Variants in FAT3 observed in about 807,000 individuals in gnomAD.
FAT3 encodes the protein FAT atypical cadherin 3, also known as protocadherin Fat 3.
FAT3 carries 95 observed loss-of-function variants against 310.2 expected under a neutral mutation model. That is an observed-to-expected ratio of 0.31 (90% CI 0.26 to 0.36). The LOEUF is 0.36. Ranked by LOEUF, FAT3 falls within the 10% of genes least tolerant of loss-of-function variation. The pLI, the probability that FAT3 is intolerant of heterozygous loss-of-function variation, is 1.00. For missense variants in FAT3, 5,408 were observed against 5,715.6 expected (o/e 0.95, Z 1.74); for synonymous variants, 2,314 against 2,192.9 (o/e 1.06, Z -1.54).
chr11:92,294,164 G>A (rs747913671), intron 1 of FAT3, among the ~76,000 whole-genome samples: 1 of 151,984 alleles, frequency 6.6e-6, no homozygotes, highest in Non-Finnish European at 1.5e-5. Context: ...TTGCCTTCTT[G>A]CTTTGCCCTC....
intron 3 of FAT3, among the ~76,000 whole-genome samples, chr11:92,679,491 A>C (rs1943402010): frequency 6.6e-6 from 1 of 151,922 alleles, no homozygotes; most frequent in African/African-American, 2.4e-5. Context: ...AATAATAGCC[A>C]TTCTAACTGA....
At chr11:92,518,526 G>C (rs1301950725) in intron 2 of FAT3, among the ~76,000 whole-genome samples, 1 of 152,052 alleles carries the variant, frequency 6.6e-6, no homozygotes, top group Admixed American at 6.6e-5. Flanking sequence ...TGGGGGGCTA[G>C]GGGAGAGATA....
chr11:92,667,495 C>T (rs535536673), intron 3 of FAT3, among the ~76,000 whole-genome samples: 1 of 152,310 alleles, frequency 6.6e-6, no homozygotes, highest in East Asian at 1.9e-4. Context: ...GGGCCAATTT[C>T]CTTTAGGATA....
chr11:92,266,936 G>A (rs570436722), intron 1 of FAT3, among the ~76,000 whole-genome samples: 1 of 152,042 alleles, frequency 6.6e-6, no homozygotes, highest in Non-Finnish European at 1.5e-5. Context: ...TGAGCAAATG[G>A]CCCATTAGCA....
At chr11:92,753,773 G>GGTGTGTGTGTGT (rs145467493) in intron 4 of FAT3, among the ~76,000 whole-genome samples, 323 of 127,350 alleles carry the variant, frequency 2.5e-3, no homozygotes, top group Admixed American at 3.1e-3. Flanking sequence ...AAGAAACTGT[G>GGTGTGTGTGTGT]GTGTGTGTGT....
intron 1 of FAT3, among the ~76,000 whole-genome samples, chr11:92,289,156 T>C (rs556449924): frequency 6.6e-6 from 1 of 152,242 alleles, no homozygotes; most frequent in African/African-American, 2.4e-5. Context: ...CTGTAAGTTA[T>C]CTGTTTGGTG....
chr11:92,255,478 A>G (rs1038160206), intron 1 of FAT3, among the ~76,000 whole-genome samples: 3 of 152,096 alleles, frequency 2.0e-5, no homozygotes, highest in Non-Finnish European at 4.4e-5. Context: ...ATAAAAGCAT[A>G]TTAAATATAT....
chr11:92,685,330 A>G (rs774972120), intron 3 of FAT3, among the ~76,000 whole-genome samples: 1 of 152,188 alleles, frequency 6.6e-6, no homozygotes, highest in Non-Finnish European at 1.5e-5. Flanking sequence ...AGACTCTGAC[A>G]TGACACCAAA....
chr11:92,796,207 C>G (rs1368270527), intron 9 of FAT3, among the ~76,000 whole-genome samples: 5 of 152,180 alleles, frequency 3.3e-5, no homozygotes, highest in Non-Finnish European at 5.9e-5. Context: ...TTCTATGACA[C>G]TATTCATTGC....
intron 7 of FAT3, among the ~76,000 whole-genome samples, chr11:92,781,297 G>C (rs1421068369): frequency 1.3e-5 from 2 of 151,486 alleles, no homozygotes; most frequent in African/African-American, 2.4e-5. Flanking sequence ...TGGCCAGGCT[G>C]GTCTCAAACT....
intron 3 of FAT3, among the ~76,000 whole-genome samples, chr11:92,617,296 C>T (rs1477350885): frequency 3.3e-5 from 5 of 152,298 alleles, no homozygotes; most frequent in South Asian, 4.1e-4. Flanking sequence ...GCATTCATCA[C>T]GTAGTTCTCA....
intron 3 of FAT3, among the ~76,000 whole-genome samples, chr11:92,605,025 G>A (rs549276487): frequency 1.3e-5 from 2 of 152,214 alleles, no homozygotes; most frequent in South Asian, 2.1e-4. Flanking sequence ...GACAGGTGCT[G>A]TTCTCAGTGT....
intron 13 of FAT3, among the ~76,000 whole-genome samples, chr11:92,828,449 GT>G (rs563509564): frequency 3.3e-5 from 5 of 152,074 alleles, no homozygotes; most frequent in Admixed American, 6.5e-5. Flanking sequence ...CATTTAGCAG[GT>G]TTTTTGTCCT....
At chr11:92,673,005 C>G (rs60182999) in intron 3 of FAT3, among the ~76,000 whole-genome samples, 5,472 of 152,222 alleles carry the variant, frequency 0.036, 237 homozygotes, top group East Asian at 0.21. Flanking sequence ...TGTATTGATT[C>G]TGAGATCAAC....
chr11:92,487,299 A>C (rs1405362854), intron 2 of FAT3, among the ~76,000 whole-genome samples: 1 of 152,212 alleles, frequency 6.6e-6, no homozygotes. Context: ...CTAGCAGCAC[A>C]GGAAATAAAA....
chr11:92,659,900 C>T (rs905967333), intron 3 of FAT3, among the ~76,000 whole-genome samples: 13 of 152,144 alleles, frequency 8.5e-5, no homozygotes, highest in African/African-American at 3.1e-4. Context: ...TACACAGTAA[C>T]TCTCTGAGGG....
At chr11:92,595,939 T>G (rs901967254) in intron 3 of FAT3, among the ~76,000 whole-genome samples, 2 of 152,184 alleles carry the variant, frequency 1.3e-5, no homozygotes, top group African/African-American at 4.8e-5. Flanking sequence ...CACCTTTTCT[T>G]GACTAACCTG....
At chr11:92,479,410 C>A (rs949571685) in intron 2 of FAT3, among the ~76,000 whole-genome samples, 1 of 152,090 alleles carries the variant, frequency 6.6e-6, no homozygotes. Context: ...AAAATGCTTC[C>A]ATTTTCACAA....
At chr11:92,662,698 G>C (rs1192219801) in intron 3 of FAT3, among the ~76,000 whole-genome samples, 1 of 152,204 alleles carries the variant, frequency 6.6e-6, no homozygotes, top group Non-Finnish European at 1.5e-5. Flanking sequence ...ATGATACGTA[G>C]AGAAGCCGGA....
Sources: allele counts gnomAD v4.1 joint callset (sites outside exome capture counted in the v4.1 genomes callset), GRCh38; gene constraint gnomAD v4.1.1; transcripts MANE v1.5; gene names NCBI Gene and HGNC (gene_info 2026-07-23, HGNC 2026-07-21).